The following BBS9 variants were observed in gnomAD, a reference collection of about 807,000 sequenced individuals.
The protein encoded by BBS9 is Bardet-Biedl syndrome 9.
A neutral mutation model predicts 117.7 loss-of-function variants in BBS9; 89 were observed. That is an observed-to-expected ratio of 0.76 (90% CI 0.64 to 0.90). The LOEUF (loss-of-function observed/expected upper bound fraction) is 0.90, where lower values mean the gene tolerates loss of function less well. BBS9 is among the 40% of genes least tolerant of loss of function. The pLI is 0.00. For synonymous variants in BBS9, 379 were observed against 370.9 expected (o/e 1.02, Z -0.25); for missense variants, 982 against 1,042.2 (o/e 0.94, Z 0.80).
At chr7:33,449,218 G>C (rs1272781730) in intron 19 of BBS9, among the ~76,000 whole-genome samples, 1 of 152,184 alleles carries the variant, frequency 6.6e-6, no homozygotes, top group Non-Finnish European at 1.5e-5. Context: ...TGTCAGCCCT[G>C]AATGGATGAC....
At chr7:33,569,977 T>C (rs1315401608) in intron 21 of BBS9, among the ~76,000 whole-genome samples, 1 of 152,150 alleles carries the variant, frequency 6.6e-6, no homozygotes, top group East Asian at 1.9e-4. Flanking sequence ...ACCAGGCTGA[T>C]TATGTAGGTA....
chr7:33,134,253 T>C (rs1363690230), intron 1 of BBS9, among the ~76,000 whole-genome samples: 1 of 142,832 alleles, frequency 7.0e-6, no homozygotes, highest in Non-Finnish European at 1.5e-5. Flanking sequence ...TTAGTGGAGA[T>C]GGGGTTTCAC....
At chr7:33,245,001 G>A (rs749511218) in intron 5 of BBS9, among the ~76,000 whole-genome samples, 2 of 152,040 alleles carry the variant, frequency 1.3e-5, no homozygotes, top group Admixed American at 1.3e-4. Context: ...ATAATCTCTT[G>A]TTTTGTATTG....
chr7:33,410,493 C>T (rs533857452), intron 19 of BBS9, among the ~76,000 whole-genome samples: 1 of 152,270 alleles, frequency 6.6e-6, no homozygotes, highest in South Asian at 2.1e-4. Flanking sequence ...AGCCCCCTCT[C>T]TGTCACTCTC....
chr7:33,344,086 T>G lies in BBS9; in HGVS notation c.1276-495T>G, dbSNP rs918501153. 1.7e-3 allele frequency among the ~76,000 whole-genome samples: 234 copies of G among 135,904 alleles called. 1 individual carries two copies. Among genetic ancestry groups the G allele is most frequent in the South Asian group, 0.015 (60 of 3,884 alleles). 89.2% of individuals were successfully genotyped at this position (135,904 alleles called of 152,430 possible). A position where few individuals can be genotyped will look rare whatever the true frequency, so the allele number is the denominator to read the frequency against. Reference sequence around the variant, plus strand: ...TCCTTTTTAGGGGATGAGTTTTTTTTTTTTTTTTTTTTTTTTTGAGGCAGA... The same window carrying G: ...TCCTTTTTAGGGGATGAGTTTTTTTGTTTTTTTTTTTTTTTTTGAGGCAGA... On this transcript the variant is annotated intron_variant, in intron 11 of 22. Coordinates refer to ENST00000242067, the MANE Select transcript of BBS9 (RefSeq NM_198428.3).
intron 9 of BBS9, 93 bp downstream of exon 9, chr7:33,274,049 A>G: frequency 1.4e-6 from 2 of 1,396,746 alleles, no homozygotes; most frequent in Non-Finnish European, 2.0e-6. Context: ...GATTTTATTA[A>G]AAAATTACAG....
At chr7:33,368,173 G>C (rs1375721491) in intron 17 of BBS9, among the ~76,000 whole-genome samples, 1 of 152,150 alleles carries the variant, frequency 6.6e-6, no homozygotes, top group East Asian at 1.9e-4. Context: ...GAGTCTAAGA[G>C]AGGAATTTAA....
intron 21 of BBS9, among the ~76,000 whole-genome samples, chr7:33,629,966 C>G (rs1865807807): frequency 6.6e-6 from 1 of 152,260 alleles, no homozygotes; most frequent in East Asian, 1.9e-4. Flanking sequence ...TGGGCCTTCT[C>G]TTGTCAACAG....
At position 33,150,953 on chromosome 7, in the gene BBS9, A is replaced by G. The variant is rs1173853489; in HGVS notation, c.113-1748A>G. Among the ~76,000 whole-genome samples the G allele has an allele frequency of 2.6e-5, 4 of 152,222 alleles. No homozygotes were observed. In the East Asian group the frequency reaches 7.7e-4, roughly 29 times the overall value. ...TTAAAATAAAGTTACTCTTGTCCCC[A>G]CAAGGAATCTTACTGTTTTGTACCG... On this transcript the variant is annotated intron_variant, in intron 2 of 22. Coordinates refer to ENST00000242067, the MANE Select transcript of BBS9 (RefSeq NM_198428.3).
chr7:33,217,425 A>G (rs1789296390), intron 5 of BBS9, among the ~76,000 whole-genome samples: 1 of 152,164 alleles, frequency 6.6e-6, no homozygotes, highest in African/African-American at 2.4e-5. Context: ...CACATGAGCC[A>G]TAATTATATC....
chr7:33,139,484 A>G (rs1276206204), intron 1 of BBS9, among the ~76,000 whole-genome samples: 1 of 150,624 alleles, frequency 6.6e-6, no homozygotes, highest in Non-Finnish European at 1.5e-5. Flanking sequence ...ACAGGTTTTT[A>G]AGGCCATTTT....
At chr7:33,145,884 G>T (rs537299210) in intron 1 of BBS9, among the ~76,000 whole-genome samples, 3 of 152,328 alleles carry the variant, frequency 2.0e-5, no homozygotes, top group Admixed American at 2.0e-4. Context: ...CTGAAAGGAA[G>T]TTAGGTATTT....
At chr7:33,598,233 A>G (rs1043425734) in intron 21 of BBS9, among the ~76,000 whole-genome samples, 1 of 77,412 alleles carries the variant, frequency 1.3e-5, no homozygotes, top group Non-Finnish European at 2.1e-5. Flanking sequence ...GTTTATGGGA[A>G]AAAAAAAAAA....
At chr7:33,335,966 T>C (rs1463112844) in intron 9 of BBS9, among the ~76,000 whole-genome samples, 1 of 152,084 alleles carries the variant, frequency 6.6e-6, no homozygotes, top group Admixed American at 6.6e-5. Flanking sequence ...GCTTCCCACA[T>C]CAACTTCGTT....
chr7:33,389,381 A>G (rs1271880709), intron 19 of BBS9, among the ~76,000 whole-genome samples: 2 of 152,028 alleles, frequency 1.3e-5, no homozygotes, highest in Admixed American at 1.3e-4. Flanking sequence ...CTCATAATAC[A>G]TTTGTTTCTT....
chr7:33,628,330 A>G (rs2129227336), intron 21 of BBS9, among the ~76,000 whole-genome samples: 1 of 152,332 alleles, frequency 6.6e-6, no homozygotes, highest in Non-Finnish European at 1.5e-5. Context: ...AGCCAGCAAT[A>G]TATGAAAAGG....
chr7:33,309,491 G>A (rs1369061647), intron 9 of BBS9, among the ~76,000 whole-genome samples: 1 of 152,174 alleles, frequency 6.6e-6, no homozygotes, highest in Non-Finnish European at 1.5e-5. Context: ...AATTGATTTG[G>A]TGACTTTTTA....
rs1848315215 is a variant in BBS9 at position 33,519,627 on chromosome 7, A to T, written c.2298+13982A>T. Among the ~76,000 whole-genome samples the T allele has an allele frequency of 4.6e-5, 7 of 152,206 alleles. No individual in the cohort carries two copies. The South Asian group carries it at 1.5e-3, about 32-fold the overall frequency. On this transcript the variant is annotated intron_variant, in intron 20 of 22. Transcript: ENST00000242067. ...AATCTCATTTAATTATATGCAAGTTATTCATTTGGATAAAGAAGCTGATTT... is the reference window on the plus strand; with the variant it reads ...AATCTCATTTAATTATATGCAAGTTTTTCATTTGGATAAAGAAGCTGATTT...
At position 33,284,831 on chromosome 7, in the gene BBS9, C is replaced by A. The variant is rs188778320; in HGVS notation, c.1016+10875C>A. ...CTGGTTTTGGTCTTTTCTATGTCTACAGTGGAAGATTTTTTTAGTCTGCTG... is the reference window on the plus strand; with the variant it reads ...CTGGTTTTGGTCTTTTCTATGTCTAAAGTGGAAGATTTTTTTAGTCTGCTG... On this transcript the variant is annotated intron_variant, in intron 9 of 22. Transcript: ENST00000242067. 2.6e-4 allele frequency among the ~76,000 whole-genome samples: 40 copies of A among 152,232 alleles called. 1 individual carries two copies. In the East Asian group the frequency reaches 6.6e-3, roughly 25 times the overall value.
Sources: gnomAD v4.1 joint callset for allele counts (sites outside exome capture counted in the v4.1 genomes callset) on GRCh38, gnomAD v4.1.1 for gene constraint, MANE v1.5 for transcripts, NCBI Gene and HGNC (gene_info 2026-07-23, HGNC 2026-07-21) for gene names.